Variants in RIC3 observed in about 807,000 individuals in gnomAD.
RIC3 encodes protein RIC-3.
In RIC3, 28 loss-of-function variants were observed where a neutral mutation model predicts 27.3. The ratio of observed to expected loss-of-function variants is 1.02; its 90% confidence interval spans 0.76 to 1.41. The LOEUF is 1.41. Among genes scored for constraint, RIC3 ranks in the 40% most tolerant of loss-of-function variants. The probability of loss-of-function intolerance (pLI) is 0.00; values close to 1 mark genes in which losing one functional copy is unlikely to be tolerated. For synonymous variants in RIC3, 184 were observed against 160.4 expected (o/e 1.15, Z -1.11); for missense variants, 501 against 444.7 (o/e 1.13, Z -1.14).
intron 1 of RIC3, among the ~76,000 whole-genome samples, chr11:8,157,698 A>C (rs1950793615): frequency 6.6e-6 from 1 of 152,178 alleles, no homozygotes; most frequent in Non-Finnish European, 1.5e-5. Context: ...CCTTTATTAG[A>C]ATCTCAAGAT....
In RIC3 at chr11:8,168,920, G is replaced by A. The variant is rs1173861094; in HGVS notation, c.70C>T (p.Pro24Ser). ...TTCCCGCGGGACAGGAAGGCCTTGG[G>A]CAGCAGCAGCGACAGAGCCAGGACA... is the stretch of plus-strand genomic sequence containing the variant. The part of the protein sequence containing the change: ...GLVLALSLLL[P>S]KAFLSRGKRQ... The change falls in exon 1 of 6, where the codon CCC becomes TCC. Residue 24 changes from proline to serine, a missense_variant. Physicochemically the swap from Pro to Ser is moderately conservative, Grantham distance 74. Transcript: ENST00000309737. 6.2e-7 allele frequency: 1 copy of A among 1,611,986 alleles called. No individual in the cohort carries two copies. Among genetic ancestry groups the A allele is most frequent in the Non-Finnish European group, 8.5e-7 (1 of 1,179,050 alleles).
In RIC3 at chr11:8,127,650, T is replaced by C. The variant is rs763581984; in HGVS notation, c.522-843A>G. 2.0e-5 allele frequency among the ~76,000 whole-genome samples: 3 copies of C among 152,158 alleles called. No individual in the cohort carries two copies. The South Asian group carries it at 6.2e-4, about 31-fold the overall frequency. Reference sequence around the variant, plus strand: ...ACTGACAGGCAAACAAGGTCCTACTTAGAAGACTGATAACTATCTGCTTTG... The same window carrying C: ...ACTGACAGGCAAACAAGGTCCTACTCAGAAGACTGATAACTATCTGCTTTG... On this transcript the variant is annotated intron_variant, in intron 4 of 5. Coordinates refer to ENST00000309737, the MANE Select transcript of RIC3 (RefSeq NM_001206671.4).
Position 8,126,743 on chromosome 11 carries a change from T to A in RIC3, c.586A>T (p.Arg196Trp). Residue 196 changes from arginine to tryptophan, a missense_variant, in exon 5 of 6, where the codon AGG (arginine) becomes TGG (tryptophan). Arg to Trp is a moderately radical substitution (Grantham distance 101). Coordinates refer to ENST00000309737, the MANE Select transcript of RIC3 (RefSeq NM_001206671.4). ...RLLHQLREIT[R>W]VMKEGKFIDR... ...ATGAATTTTCCTTCTTTCATGACCC[T>A]GGTGATTTCTCGGAGCTGATGTAGC... The A allele has an allele frequency of 6.2e-7, 1 of 1,614,182 alleles. No homozygotes were observed. Among genetic ancestry groups the A allele is most frequent in the Non-Finnish European group, 8.5e-7 (1 of 1,180,022 alleles).
At chr11:8,133,166 T>A (rs1404804388) in intron 4 of RIC3, among the ~76,000 whole-genome samples, 1 of 152,162 alleles carries the variant, frequency 6.6e-6, no homozygotes, top group Non-Finnish European at 1.5e-5. Context: ...CTCCCTCTTT[T>A]GTATGTGCTT....
At chr11:8,147,815 ACTCCCTG>A (rs1203002365) in intron 1 of RIC3, among the ~76,000 whole-genome samples, 1 of 143,890 alleles carries the variant, frequency 6.9e-6, no homozygotes, top group African/African-American at 2.6e-5. Flanking sequence ...GCAACCTCCG[ACTCCCTG>A]GTTCAAGTGA....
At chr11:8,101,745 G>A (rs1944317420), downstream of RIC3, 2 of 1,445,078 alleles carry the variant, frequency 1.4e-6, no homozygotes, top group Admixed American at 2.5e-5. Context: ...CCCTCAGTGG[G>A]CTCCCTGGCC....
chr11:8,101,537 T>C (rs1164755345), downstream of RIC3: 4 of 1,614,132 alleles, frequency 2.5e-6, no homozygotes, highest in Non-Finnish European at 3.4e-6. Context: ...GTGTTCACCA[T>C]GGATTACAAC....
At chr11:8,141,940 G>A (rs1370010437) in intron 1 of RIC3, among the ~76,000 whole-genome samples, 4 of 151,772 alleles carry the variant, frequency 2.6e-5, no homozygotes, top group South Asian at 4.2e-4. Flanking sequence ...GATACATAAC[G>A]AAACGAAGGC....
chr11:8,104,903 G>A (rs1309837995), downstream of RIC3: 5 of 151,122 alleles, frequency 3.3e-5, no homozygotes, highest in South Asian at 6.3e-4. Flanking sequence ...TGACAAGTAG[G>A]GCACAAAATT....
downstream of RIC3, chr11:8,101,839 A>ATACGGC: frequency 2.1e-6 from 1 of 478,110 alleles, no homozygotes; most frequent in South Asian, 7.7e-5. Flanking sequence ...TGAAGGGATG[A>ATACGGC]GAATAATTCT....
At chr11:8,095,041 C>T in the RIC3 span, among the ~76,000 whole-genome samples, 1 of 152,260 alleles carries the variant, frequency 6.6e-6, no homozygotes, top group East Asian at 1.9e-4. Flanking sequence ...TCAAGGGGCC[C>T]ACGTTTTTAA....
chr11:8,146,573 G>A (rs1237345280), intron 1 of RIC3, among the ~76,000 whole-genome samples: 1 of 152,156 alleles, frequency 6.6e-6, no homozygotes. Context: ...CCAAATATAA[G>A]TGACCATGGC....
intron 5 of RIC3, among the ~76,000 whole-genome samples, 176 bp downstream of exon 5, chr11:8,126,483 C>T (rs1164517089): frequency 1.3e-5 from 2 of 152,126 alleles, no homozygotes; most frequent in Admixed American, 1.3e-4. Context: ...ATCAAAATTA[C>T]GGTGTGATTA....
rs1944630618 is a variant in RIC3, at chr11:8,106,244, C to CTTCTGTGTACTTTTTTCATA, written c.*4434_*4453dup. 1 of 152,144 alleles carries CTTCTGTGTACTTTTTTCATA rather than the reference C, an allele frequency of 6.6e-6. No homozygotes were observed. Among genetic ancestry groups the CTTCTGTGTACTTTTTTCATA allele is most frequent in the Non-Finnish European group, 1.5e-5 (1 of 68,026 alleles). 9.4% of individuals were successfully genotyped at this position (152,144 alleles called of 1,614,324 possible). On this transcript the variant is annotated 3_prime_UTR_variant, in exon 6 of 6. Transcript: ENST00000309737. ...AAATTAAACTTGAATCGTTTCAACA[C>CTTCTGTGTACTTTTTTCATA]TTCTGTGTACTTTTTTCATAAAGGG...
chr11:8,163,297 A>G (rs1417918359), intron 1 of RIC3, among the ~76,000 whole-genome samples: 2 of 152,128 alleles, frequency 1.3e-5, no homozygotes, highest in Admixed American at 6.5e-5. Flanking sequence ...AACTTCCTCA[A>G]CCTGAAAACA....
At chr11:8,163,253 A>T (rs60126747) in intron 1 of RIC3, among the ~76,000 whole-genome samples, 3,475 of 152,024 alleles carry the variant, frequency 0.023, 129 homozygotes, top group African/African-American at 0.08. Flanking sequence ...CCCCTTCATA[A>T]TGAAAAACAC....
At chr11:8,154,542 G>T (rs1169249450) in intron 1 of RIC3, among the ~76,000 whole-genome samples, 1 of 152,110 alleles carries the variant, frequency 6.6e-6, no homozygotes, top group Non-Finnish European at 1.5e-5. Flanking sequence ...TTTTTTTCCA[G>T]GTGGGGAATG....
intron 3 of RIC3, 63 bp from the exon 4 acceptor site, chr11:8,137,534 C>T (rs1590219746): frequency 7.4e-7 from 1 of 1,345,492 alleles, no homozygotes; most frequent in African/African-American, 1.5e-5. Context: ...TTAAAGAGAC[C>T]ACAAATTTTT....
intron 1 of RIC3, among the ~76,000 whole-genome samples, chr11:8,163,069 C>CACACACACA (rs1565138023): frequency 1.6e-4 from 22 of 138,256 alleles, no homozygotes; most frequent in Admixed American, 2.2e-4. Context: ...ACACACACAC[C>CACACACACA]CCCCAAAACA....
Sources: gnomAD v4.1 joint callset for allele counts (sites outside exome capture counted in the v4.1 genomes callset) on GRCh38, gnomAD v4.1.1 for gene constraint, MANE v1.5 for transcripts, NCBI Gene and HGNC (gene_info 2026-07-23, HGNC 2026-07-21) for gene names.